Variants in CD276 observed in about 807,000 individuals in gnomAD.
CD276 encodes the protein CD276 molecule.
Under a neutral mutation model 50.0 loss-of-function variants are expected in CD276, and 34 were observed. That is an observed-to-expected ratio of 0.68 (90% confidence interval 0.52 to 0.91). The LOEUF (loss-of-function observed/expected upper bound fraction) is 0.91, where lower values mean the gene tolerates loss of function less well. Ranked by LOEUF, CD276 falls within the 40% of genes least tolerant of loss-of-function variation. The pLI, the probability that CD276 is intolerant of heterozygous loss-of-function variation, is 0.00. For missense variants in CD276, 634 were observed against 717.5 expected (o/e 0.88, Z 1.33); for synonymous variants, 275 against 313.0 (o/e 0.88, Z 1.28).
intron 3 of CD276, 57 bp from the exon 4 acceptor site, chr15:73,702,715 T>A (rs1369498216): frequency 1.3e-6 from 2 of 1,578,120 alleles, no homozygotes; most frequent in African/African-American, 2.7e-5. Context: ...GCCCCATGCA[T>A]CCTTTTCGTC....
At chr15:73,688,725 G>T (rs991678515) in intron 1 of CD276, among the ~76,000 whole-genome samples, 1 of 152,198 alleles carries the variant, frequency 6.6e-6, no homozygotes, top group Non-Finnish European at 1.5e-5. Flanking sequence ...TGGACCAGGT[G>T]TACCGTAAGA....
At chr15:73,686,359 G>T (rs2141528906) in intron 1 of CD276, 1 of 940,676 alleles carries the variant, frequency 1.1e-6, no homozygotes, top group East Asian at 1.2e-4. Flanking sequence ...GGAATCTGAG[G>T]ACCCTGTTTT....
rs1900981745 is a variant in CD276, at chr15:73,713,233, T to C, written c.*277T>C. The C allele has an allele frequency of 4.4e-6, 2 of 455,614 alleles. No homozygotes were observed. The highest frequency in any genetic ancestry group is 4.0e-5 in the Admixed American group (1 of 25,030). 28.2% of individuals were successfully genotyped at this position (455,614 alleles called of 1,614,324 possible). On this transcript the variant is annotated 3_prime_UTR_variant, in exon 10 of 10. Coordinates refer to ENST00000318443, the MANE Select transcript of CD276 (RefSeq NM_001024736.2). ...TCCTGCCTGCTGCCTTATTTCACAGTACATACATTTCTTAGGGACACAGTA... is the reference window on the plus strand; with the variant it reads ...TCCTGCCTGCTGCCTTATTTCACAGCACATACATTTCTTAGGGACACAGTA...
chr15:73,711,289 G>A, intron 9 of CD276, 119 bp downstream of exon 9: 1 of 1,101,578 alleles, frequency 9.1e-7, no homozygotes, highest in South Asian at 1.3e-5. Flanking sequence ...CTGCAGAAGA[G>A]CAGCCTCAAC....
In CD276 at chr15:73,704,434, TG is replaced by T. The variant is rs769812330; in HGVS notation, c.1332del (p.Leu445CysfsTer16). The T allele has an allele frequency of 6.2e-7, 1 of 1,613,866 alleles. No homozygotes were observed. Among genetic ancestry groups the T allele is most frequent in the African/African-American group, 1.3e-5 (1 of 75,030 alleles). ...GTYSCLVRNPVLQQDAHGSVT... is the reference protein window; with the variant it reads ...GTYSCLVRNPXLQQDAHGSVT... ...TACAGCTGCCTGGTGCGCAACCCCG[TG>T]CTGCAGCAGGATGCGCACGGCTCTG... On this transcript the variant is annotated frameshift_variant, in exon 6 of 10. Coordinates refer to ENST00000318443, the MANE Select transcript of CD276 (RefSeq NM_001024736.2). LOFTEE classifies it high-confidence loss of function. The surrounding 1 kb of genome is among the most constrained non-coding windows in gnomAD (Gnocchi z 4.1).
At chr15:73,695,193 G>C (rs140333442) in intron 1 of CD276, among the ~76,000 whole-genome samples, 2 of 152,298 alleles carry the variant, frequency 1.3e-5, no homozygotes, top group East Asian at 3.9e-4. Context: ...TTCTTTTATA[G>C]GTAGGAACAC....
intron 6 of CD276, among the ~76,000 whole-genome samples, chr15:73,705,955 C>CA (rs1447542475): frequency 1.3e-5 from 2 of 152,082 alleles, no homozygotes; most frequent in African/African-American, 2.4e-5. Flanking sequence ...AAAGTGATTT[C>CA]AAAAAAATTT....
At position 73,703,799 on chromosome 15, in the gene CD276, C is replaced by T; in HGVS notation, c.874C>T (p.Gln292Ter). ...CATCTGGCAGCTGACAGACACCAAA[C>T]AGCTGGTGCACAGTTTCACCGAAGG... ...NLIWQLTDTK[Q>*]LVHSFTEGRD... Residue 292 changes from glutamine (Q) to a stop codon, truncating the protein, a stop_gained, in exon 5 of 10, where the codon CAG (glutamine) becomes TAG (stop). Coordinates refer to ENST00000318443, the MANE Select transcript of CD276 (RefSeq NM_001024736.2). LOFTEE classifies it high-confidence loss of function. 3 of 1,613,730 alleles carry T rather than the reference C, an allele frequency of 1.9e-6. No individual in the cohort carries two copies. In the South Asian group the frequency reaches 3.3e-5, roughly 18 times the overall value.
chr15:73,696,320 C>T (rs1305020626), intron 1 of CD276, among the ~76,000 whole-genome samples: 1 of 152,084 alleles, frequency 6.6e-6, no homozygotes, highest in Non-Finnish European at 1.5e-5. Context: ...CGTGGCTCCA[C>T]GTGGCTCTGG....
At chr15:73,685,451 ATT>A (rs1454157514) in intron 1 of CD276, among the ~76,000 whole-genome samples, 64 of 112,728 alleles carry the variant, frequency 5.7e-4, no homozygotes, top group African/African-American at 2.2e-3. Flanking sequence ...AGCAAAAAAG[ATT>A]TGTGTGTGTG....
At chr15:73,707,673 T>C (rs1212737886) in intron 6 of CD276, among the ~76,000 whole-genome samples, 1 of 152,172 alleles carries the variant, frequency 6.6e-6, no homozygotes, top group Non-Finnish European at 1.5e-5. Flanking sequence ...TCCTCCGCCT[T>C]CCCCCATCTT....
chr15:73,689,929 G>C (rs2141536390), intron 1 of CD276, among the ~76,000 whole-genome samples: 1 of 152,266 alleles, frequency 6.6e-6, no homozygotes, highest in East Asian at 1.9e-4. Context: ...GACAGAGCCT[G>C]GTCTAAAGTC....
chr15:73,693,923 G>T (rs12594627), intron 1 of CD276, among the ~76,000 whole-genome samples: 52,390 of 150,002 alleles, frequency 0.35, 10,287 homozygotes, highest in Non-Finnish European at 0.44. Context: ...GCAGGGAAAG[G>T]TTCCCTGTTC....
chr15:73,713,052 C>T lies in CD276; in HGVS notation c.*96C>T. ...GAGCCCTGCCCCCAACAGATGCATC[C>T]TGCTCTGACAGGTGGGCTCCTTCTC... is the stretch of plus-strand genomic sequence containing the variant. On this transcript the variant is annotated 3_prime_UTR_variant, in exon 10 of 10. Transcript: ENST00000318443. The T allele has an allele frequency of 8.7e-7, 1 of 1,147,972 alleles. No individual in the cohort carries two copies. Among genetic ancestry groups the T allele is most frequent in the Non-Finnish European group, 1.3e-6 (1 of 784,558 alleles). The allele number at this position is 1,147,972 out of a possible 1,614,324, so 71.1% of individuals were successfully genotyped here.
chr15:73,703,634 C>T (rs778209905), intron 4 of CD276, 25 bp from the exon 5 acceptor site: 5 of 1,573,600 alleles, frequency 3.2e-6, no homozygotes, highest in Non-Finnish European at 4.3e-6. Context: ...TCCTCACCAC[C>T]CTGCCCCTCT....
At chr15:73,692,052 C>T (rs755361673) in intron 1 of CD276, among the ~76,000 whole-genome samples, 12 of 152,278 alleles carry the variant, frequency 7.9e-5, no homozygotes, top group Non-Finnish European at 1.3e-4. Flanking sequence ...CCATCTACGT[C>T]CCTCACTACC....
intron 1 of CD276, among the ~76,000 whole-genome samples, chr15:73,691,921 G>T (rs139792077): frequency 6.6e-6 from 1 of 152,120 alleles, no homozygotes; most frequent in African/African-American, 2.4e-5. Flanking sequence ...GGTGAACTTG[G>T]AGACAGAATC....
chr15:73,713,106 C>A lies in CD276; in HGVS notation c.*150C>A. 1 of 629,174 alleles carries A rather than the reference C, an allele frequency of 1.6e-6. No homozygotes were observed. The highest frequency in any genetic ancestry group is 2.7e-6 in the Non-Finnish European group (1 of 370,006). The allele number at this position is 629,174 out of a possible 1,614,324, so 39.0% of individuals were successfully genotyped here. ...AGGATGCGATACACAGACCACTGTG[C>A]AGCCTTATTTCTCCAATGGACATGA... is the stretch of plus-strand genomic sequence containing the variant. On this transcript the variant is annotated 3_prime_UTR_variant, in exon 10 of 10. Coordinates refer to ENST00000318443, the MANE Select transcript of CD276 (RefSeq NM_001024736.2).
chr15:73,710,724 G>T lies in CD276; in HGVS notation c.1547-411G>T, dbSNP rs1900862475. ...AGATGTAGTTGGCAGAAGGGAGGGA[G>T]TGAGGAGAAGAGTGTGGGTGATGGA... On this transcript the variant is annotated intron_variant, in intron 8 of 9. Coordinates refer to ENST00000318443, the MANE Select transcript of CD276 (RefSeq NM_001024736.2). Among the ~76,000 whole-genome samples the T allele has an allele frequency of 2.6e-5, 4 of 152,336 alleles. No homozygotes were observed. The South Asian group carries it at 8.3e-4, about 32-fold the overall frequency.
Sources: allele counts gnomAD v4.1 joint callset (sites outside exome capture counted in the v4.1 genomes callset), GRCh38; gene constraint gnomAD v4.1.1; non-coding constraint Gnocchi (gnomAD v3.1); transcripts MANE v1.5; gene names NCBI Gene and HGNC (gene_info 2026-07-23, HGNC 2026-07-21).